NUP153: variants seen among roughly 807,000 people sequenced by gnomAD.
NUP153 encodes nucleoporin 153, also known as nuclear pore complex protein Nup153.
NUP153 carries 27 observed loss-of-function variants against 134.6 expected under a neutral mutation model. That is an observed-to-expected ratio of 0.20 (90% CI 0.15 to 0.28). The LOEUF (loss-of-function observed/expected upper bound fraction) is 0.28, where lower values mean the gene tolerates loss of function less well. Among genes scored for constraint, NUP153 ranks in the 10% least tolerant of loss-of-function variants. The pLI, the probability that NUP153 is intolerant of heterozygous loss-of-function variation, is 1.00. For missense variants in NUP153, 1,821 were observed against 1,731.3 expected (o/e 1.05, Z -0.92); for synonymous variants, 640 against 623.5 (o/e 1.03, Z -0.40).
intron 20 of NUP153, 34 bp downstream of exon 20, chr6:17,624,527 C>A (rs973241092): frequency 6.2e-6 from 10 of 1,601,618 alleles, no homozygotes; most frequent in African/African-American, 1.3e-5. Context: ...ACACAAAACC[C>A]ATACAGATAC....
intron 17 of NUP153, among the ~76,000 whole-genome samples, chr6:17,631,839 T>C (rs1765271083): frequency 6.6e-6 from 1 of 152,070 alleles, no homozygotes; most frequent in African/African-American, 2.4e-5. Context: ...TGGTGGCAGG[T>C]TCCTGTAGTC....
At chr6:17,642,735 A>G (rs1035678152) in intron 14 of NUP153, among the ~76,000 whole-genome samples, 3 of 152,224 alleles carry the variant, frequency 2.0e-5, no homozygotes, top group Non-Finnish European at 2.9e-5. Context: ...ACACATACAC[A>G]TATGTTCACA....
intron 14 of NUP153, among the ~76,000 whole-genome samples, chr6:17,640,385 C>T (rs556460502): frequency 6.6e-6 from 1 of 152,282 alleles, no homozygotes; most frequent in African/African-American, 2.4e-5. Context: ...CTAGGGCAAG[C>T]CCATCCACTG....
intron 13 of NUP153, among the ~76,000 whole-genome samples, chr6:17,647,291 GA>G (rs1263394030): frequency 6.6e-6 from 1 of 151,998 alleles, no homozygotes; most frequent in South Asian, 2.1e-4. Context: ...AATCATGAAA[GA>G]AAAAAATGCC....
intron 17 of NUP153, among the ~76,000 whole-genome samples, chr6:17,630,956 A>T (rs1168304152): frequency 6.6e-6 from 1 of 152,202 alleles, no homozygotes; most frequent in Admixed American, 6.5e-5. Context: ...GTACTAAGAT[A>T]CTTAAAAGTA....
intron 1 of NUP153, among the ~76,000 whole-genome samples, chr6:17,689,654 A>G (rs1349267288): frequency 6.6e-6 from 1 of 150,706 alleles, no homozygotes; most frequent in Non-Finnish European, 1.5e-5. Context: ...CTCCTGCCTC[A>G]GCCTCCCAAT....
chr6:17,678,537 G>A (rs1033389298), intron 2 of NUP153, among the ~76,000 whole-genome samples: 6 of 151,986 alleles, frequency 3.9e-5, no homozygotes, highest in South Asian at 2.1e-4. Flanking sequence ...TATATTAAAC[G>A]CTGAATGATT....
At chr6:17,620,819 G>A (rs1241793443) in intron 20 of NUP153, among the ~76,000 whole-genome samples, 1 of 152,098 alleles carries the variant, frequency 6.6e-6, no homozygotes, top group African/African-American at 2.4e-5. Flanking sequence ...AAGATTTTAT[G>A]GCTAAGACAT....
intron 5 of NUP153, 21 bp downstream of exon 5, chr6:17,674,884 A>G (rs1402197480): frequency 1.3e-6 from 2 of 1,514,036 alleles, no homozygotes; most frequent in East Asian, 2.4e-5. Context: ...AAAGATCATC[A>G]ACCCTTCTAT....
Position 17,661,742 on chromosome 6 carries a change from T to C in NUP153, c.1306A>G (p.Asn436Asp), listed in dbSNP as rs1767197958. ...SYPNFSLPAA[N>D]GLSSGVGGGG... ...CCACCTACTCCAGAAGATAAACCAT[T>C]GGCTGCAGGCAAACTGAAATTTGGA... Residue 436 changes from asparagine to aspartate, a missense_variant, in exon 11 of 22, where the codon AAT (asparagine) becomes GAT (aspartate). Coordinates refer to ENST00000262077, the MANE Select transcript of NUP153 (RefSeq NM_005124.4). 6.2e-7 allele frequency: 1 copy of C among 1,613,294 alleles called. No homozygotes were observed. The highest frequency in any genetic ancestry group is 8.5e-7 in the Non-Finnish European group (1 of 1,179,774).
intron 1 of NUP153, among the ~76,000 whole-genome samples, chr6:17,696,314 T>C (rs9477506): frequency 0.026 from 4,020 of 152,268 alleles, 84 homozygotes; most frequent in Middle Eastern, 0.065. Context: ...GAAGAAAAGG[T>C]TCCTTTGACC....
intron 11 of NUP153, among the ~76,000 whole-genome samples, chr6:17,651,599 A>T (rs1377903511): frequency 1.3e-5 from 2 of 152,230 alleles, no homozygotes; most frequent in African/African-American, 4.8e-5. Flanking sequence ...ATGGAAAAAG[A>T]TATGCCCTGA....
intron 11 of NUP153, among the ~76,000 whole-genome samples, chr6:17,654,809 G>A (rs1424997108): frequency 6.6e-6 from 1 of 152,112 alleles, no homozygotes; most frequent in Non-Finnish European, 1.5e-5. Context: ...TCCTTACATG[G>A]GTTATCTCAT....
At chr6:17,669,608 G>T in intron 5 of NUP153, 62 bp from the exon 6 acceptor site, 1 of 1,119,210 alleles carries the variant, frequency 8.9e-7, no homozygotes, top group Non-Finnish European at 1.4e-6. Flanking sequence ...ATTTCATGCA[G>T]TGAAAATATT....
At position 17,616,139 on chromosome 6, in the gene NUP153, G is replaced by C. The variant is rs1355627757; in HGVS notation, c.4386C>G (p.Phe1462Leu). Residue 1462 changes from phenylalanine (F) to leucine (L), a missense_variant, in exon 22 of 22, where the codon TTC becomes TTG. By Grantham distance (22) the Phe-to-Leu change is conservative. Coordinates refer to ENST00000262077, the MANE Select transcript of NUP153 (RefSeq NM_005124.4). ...KNVFSSSGTS[F>L]SGRKIKTAVR... The stretch of plus-strand genomic sequence containing the variant: ...CAGCAGTCTTTATCTTGCGACCAGA[G>C]AATGAAGTTCCAGAAGAAGAGAACA... 6.2e-7 allele frequency: 1 copy of C among 1,613,742 alleles called. No homozygotes were observed.
chr6:17,630,814 GAAGAGAA>G (rs1191797814), intron 17 of NUP153, among the ~76,000 whole-genome samples: 1 of 145,750 alleles, frequency 6.9e-6, no homozygotes, highest in Non-Finnish European at 1.5e-5. Flanking sequence ...AGAGAGGAGA[GAAGAGAA>G]AAGAGAAGAG....
At chr6:17,676,691 A>C (rs747101129) in intron 2 of NUP153, among the ~76,000 whole-genome samples, 16 of 151,596 alleles carry the variant, frequency 1.1e-4, no homozygotes, top group African/African-American at 1.9e-4. Context: ...AAAACAGCAC[A>C]AAAAAAAACT....
chr6:17,680,140 C>T lies in NUP153; in HGVS notation c.335-4370G>A, dbSNP rs140141850. ...AGCCTCACCTCCACTGTTTCCCTTG[C>T]GCTCAAGCACAAGCCCTGAAATAAA... is the stretch of plus-strand genomic sequence containing the variant. On this transcript the variant is annotated intron_variant, in intron 2 of 21. Coordinates refer to ENST00000262077, the MANE Select transcript of NUP153 (RefSeq NM_005124.4). This position sits in a 1 kb window ranked among gnomAD's most constrained non-coding sequence, Gnocchi z 4.5. Among the ~76,000 whole-genome samples, 38 of 152,260 alleles carry T rather than the reference C, an allele frequency of 2.5e-4. No individual in the cohort carries two copies. Among genetic ancestry groups the T allele is most frequent in the Middle Eastern group, 3.4e-3 (1 of 294 alleles).
intron 1 of NUP153, among the ~76,000 whole-genome samples, chr6:17,697,990 C>T (rs1370805566): frequency 1.3e-5 from 2 of 152,140 alleles, no homozygotes; most frequent in Non-Finnish European, 2.9e-5. Context: ...GTTTTCTTGA[C>T]TTCAGTTCTG....
Sources: allele counts gnomAD v4.1 joint callset (sites outside exome capture counted in the v4.1 genomes callset), GRCh38; gene constraint gnomAD v4.1.1; non-coding constraint Gnocchi (gnomAD v3.1); transcripts MANE v1.5; gene names NCBI Gene and HGNC (gene_info 2026-07-23, HGNC 2026-07-21).